LRCH2: variants seen among roughly 807,000 people sequenced by gnomAD.
LRCH2 encodes leucine-rich repeat and calponin homology domain-containing protein 2.
LRCH2 carries 38 observed loss-of-function variants against 68.9 expected under a neutral mutation model. The ratio of observed to expected loss-of-function variants is 0.55; its 90% confidence interval spans 0.43 to 0.72. LRCH2 has a LOEUF of 0.72. Ranked by LOEUF, LRCH2 falls within the 30% of genes least tolerant of loss-of-function variation. LRCH2 has a pLI of 0.00. For synonymous variants in LRCH2, 191 were observed against 208.1 expected (o/e 0.92, Z 0.71); for missense variants, 528 against 572.9 (o/e 0.92, Z 0.80).
intron 1 of LRCH2, among the ~76,000 whole-genome samples, chrX:115,224,086 C>T (rs2073103075): frequency 9.0e-6 from 1 of 111,558 alleles, no homozygotes; most frequent in African/African-American, 3.3e-5. Flanking sequence ...ACTTTGAAAA[C>T]ATAGTAAGTT....
chrX:115,177,095 T>C (rs2072656289), intron 5 of LRCH2, among the ~76,000 whole-genome samples: 1 of 95,763 alleles, frequency 1.0e-5, no homozygotes, highest in Admixed American at 1.2e-4. Context: ...CTCACTCTGC[T>C]GTCTAGGCTG....
At position 115,120,101 on chromosome X, in the gene LRCH2, T is replaced by C. The variant is rs868984006; in HGVS notation, c.2178+2426A>G. ...AACCTAGGCATTACCATTCAGGACA[T>C]AGGCATGGGCAAGGACTTCATGTCC... On this transcript the variant is annotated intron_variant, in intron 20 of 20. Transcript: ENST00000317135. 7.0e-3 allele frequency among the ~76,000 whole-genome samples: 719 copies of C among 102,493 alleles called. 8 individuals are homozygous for C. The highest frequency in any genetic ancestry group is 0.024 in the African/African-American group (673 of 27,799). The allele number at this position is 102,493 out of a possible 115,157, so 89.0% of individuals were successfully genotyped here. A position where few individuals can be genotyped will look rare whatever the true frequency, so the allele number is the denominator to read the frequency against.
chrX:115,113,327 A>C lies in LRCH2; in HGVS notation c.2187T>G (p.Leu729=). ...CKKLGVSQER[L]CLPHHILEER... Reference sequence around the variant, plus strand: ...CTTCCAAAATATGATGAGGCAAACAAAGTCTTTCCTGGAGAAAAAAAAGAG... The same window carrying C: ...CTTCCAAAATATGATGAGGCAAACACAGTCTTTCCTGGAGAAAAAAAAGAG... Residue 729 remains leucine, a synonymous_variant, in exon 21 of 21, where the codon CTT becomes CTG. Transcript: ENST00000317135. 1 of 1,183,740 alleles carries C rather than the reference A, an allele frequency of 8.4e-7. No individual in the cohort carries two copies. Among genetic ancestry groups the C allele is most frequent in the Non-Finnish European group, 1.1e-6 (1 of 879,589 alleles).
intron 12 of LRCH2, among the ~76,000 whole-genome samples, chrX:115,152,252 T>A (rs1569513543): frequency 9.0e-6 from 1 of 111,284 alleles, no homozygotes; most frequent in African/African-American, 3.3e-5. Flanking sequence ...AAATAAATTA[T>A]AAAACCAAGT....
At chrX:115,151,658 A>G (rs1215116764) in intron 12 of LRCH2, among the ~76,000 whole-genome samples, 1 of 111,801 alleles carries the variant, frequency 8.9e-6, no homozygotes, top group African/African-American at 3.2e-5. Context: ...AGATAGGCTA[A>G]CAGTGACCAG....
intron 3 of LRCH2, among the ~76,000 whole-genome samples, chrX:115,183,498 C>G (rs782570880): frequency 2.7e-5 from 3 of 110,899 alleles, no homozygotes; most frequent in African/African-American, 9.8e-5. Context: ...AGTTCAAGAC[C>G]AGCCTGGGCA....
intron 1 of LRCH2, chrX:115,189,691 A>G: frequency 4.3e-6 from 5 of 1,167,986 alleles, no homozygotes; most frequent in Non-Finnish European, 5.7e-6. Context: ...GGTGGCCCAG[A>G]CCATCAAACC....
intron 14 of LRCH2, among the ~76,000 whole-genome samples, chrX:115,131,950 A>G (rs1556530374): frequency 9.0e-6 from 1 of 111,565 alleles, no homozygotes; most frequent in Admixed American, 9.5e-5. Context: ...TTTTGCTTGT[A>G]AATTTGTCTG....
At position 115,191,955 on chromosome X, in the gene LRCH2, C is replaced by CA. The variant is rs782737969; in HGVS notation, c.350-3586dup. 7.7e-6 allele frequency: 9 copies of CA among 1,166,167 alleles called. No individual in the cohort carries two copies. The South Asian group carries it at 1.7e-4, about 22-fold the overall frequency. ...GCGGAGGCCACTCACCCAACGCCTA[C>CA]AGTGGGGGCCGTGACAGTTCCAGCA... On this transcript the variant is annotated intron_variant, in intron 1 of 20. Coordinates refer to ENST00000317135, the MANE Select transcript of LRCH2 (RefSeq NM_020871.4).
At chrX:115,149,617 A>C (rs2072415918) in intron 14 of LRCH2, among the ~76,000 whole-genome samples, 1 of 111,733 alleles carries the variant, frequency 8.9e-6, no homozygotes, top group South Asian at 3.7e-4. Flanking sequence ...TTGGTAAATC[A>C]TAATTTATAT....
At chrX:115,140,242 T>C (rs1364033512) in intron 14 of LRCH2, among the ~76,000 whole-genome samples, 1 of 111,034 alleles carries the variant, frequency 9.0e-6, no homozygotes, top group Admixed American at 9.6e-5. Context: ...ATGACATTAC[T>C]AGACATATAC....
At chrX:115,218,206 A>G (rs191849925) in intron 1 of LRCH2, among the ~76,000 whole-genome samples, 131 of 110,151 alleles carry the variant, frequency 1.2e-3, no homozygotes, top group African/African-American at 4.2e-3. Flanking sequence ...TTTTTAAACC[A>G]AAAAAAACCC....
chrX:115,192,565 C>T lies in LRCH2; in HGVS notation c.350-4195G>A, dbSNP rs1176646640. 4.3e-6 allele frequency: 5 copies of T among 1,168,983 alleles called. No homozygotes were observed. The highest frequency in any genetic ancestry group is 1.8e-5 in the African/African-American group (1 of 56,201). On this transcript the variant is annotated intron_variant, in intron 1 of 20. Coordinates refer to ENST00000317135, the MANE Select transcript of LRCH2 (RefSeq NM_020871.4). Reference sequence around the variant, plus strand: ...CCCTCCCCTGCATGATTCTTACAGCCGGTCAGGCTGCAGGGTGCCCAGGGG... The same window carrying T: ...CCCTCCCCTGCATGATTCTTACAGCTGGTCAGGCTGCAGGGTGCCCAGGGG...
chrX:115,213,905 A>G (rs1440456781), intron 1 of LRCH2, among the ~76,000 whole-genome samples: 4 of 112,221 alleles, frequency 3.6e-5, no homozygotes, highest in Non-Finnish European at 7.5e-5. Context: ...CCTAGAAGAA[A>G]TAATCAATAG....
At chrX:115,191,877 C>T in intron 1 of LRCH2, 1 of 1,162,705 alleles carries the variant, frequency 8.6e-7, no homozygotes, top group Non-Finnish European at 1.1e-6. Context: ...ACGACCCCTG[C>T]AGAGGAGGAG....
intron 1 of LRCH2, among the ~76,000 whole-genome samples, chrX:115,195,114 C>A (rs1445082319): frequency 9.1e-6 from 1 of 110,475 alleles, no homozygotes; most frequent in Non-Finnish European, 1.9e-5. Flanking sequence ...GAAACCCCGT[C>A]TCTTACTAAA....
intron 12 of LRCH2, among the ~76,000 whole-genome samples, chrX:115,153,128 G>A (rs1361150568): frequency 1.0e-5 from 1 of 97,730 alleles, no homozygotes; most frequent in East Asian, 3.3e-4. Context: ...GGGCAACATA[G>A]TGAGACCCTG....
intron 1 of LRCH2, 132 bp downstream of exon 1, chrX:115,233,561 C>T: frequency 1.6e-6 from 1 of 641,977 alleles, no homozygotes; most frequent in Non-Finnish European, 2.3e-6. Context: ...GAACGGGCTG[C>T]CCCGACTTTG....
intron 11 of LRCH2, among the ~76,000 whole-genome samples, chrX:115,162,078 C>T: frequency 9.2e-6 from 1 of 108,747 alleles, no homozygotes; most frequent in Non-Finnish European, 1.9e-5. Context: ...CACCACCATG[C>T]CCGGCTAATT....
Sources: gnomAD v4.1 joint callset for allele counts (sites outside exome capture counted in the v4.1 genomes callset) on GRCh38, gnomAD v4.1.1 for gene constraint, MANE v1.5 for transcripts, NCBI Gene and HGNC (gene_info 2026-07-23, HGNC 2026-07-21) for gene names.